JAKMIP1: variants seen among roughly 807,000 people sequenced by gnomAD.
The protein encoded by JAKMIP1 is janus kinase and microtubule interacting protein 1.
In JAKMIP1, 33 loss-of-function variants were observed where a neutral mutation model predicts 113.0. The observed-to-expected ratio is 0.29, with a 90% CI of 0.22 to 0.39. JAKMIP1 has a LOEUF of 0.39. Among genes scored for constraint, JAKMIP1 ranks in the 10% least tolerant of loss-of-function variants. The pLI is 1.00. For missense variants in JAKMIP1, 813 were observed against 1,080.5 expected, an observed-to-expected ratio of 0.75 and a Z score of 3.47; for synonymous variants, 480 against 459.9, an observed-to-expected ratio of 1.04 and a Z score of -0.56.
chr4:6,079,060 C>T, intron 7 of JAKMIP1, 62 bp from the exon 8 acceptor site: 1 of 1,589,802 alleles, frequency 6.3e-7, no homozygotes, highest in Non-Finnish European at 8.6e-7. Flanking sequence ...ACCAAAGCCA[C>T]TGGCTCTCAA....
chr4:6,066,919 C>A (rs952311203), intron 8 of JAKMIP1, among the ~76,000 whole-genome samples: 1 of 152,200 alleles, frequency 6.6e-6, no homozygotes, highest in Non-Finnish European at 1.5e-5. Flanking sequence ...CCCACACACA[C>A]CTGCCATGGG....
intron 18 of JAKMIP1, 82 bp from the exon 19 acceptor site, chr4:6,036,189 C>G: frequency 8.7e-7 from 1 of 1,148,566 alleles, no homozygotes. Flanking sequence ...CCAGTGGAGG[C>G]AGAGCCAGGG....
At chr4:6,124,476 C>A (rs1717138473) in intron 1 of JAKMIP1, among the ~76,000 whole-genome samples, 1 of 152,234 alleles carries the variant, frequency 6.6e-6, no homozygotes, top group Non-Finnish European at 1.5e-5. Context: ...ATCACCAGTT[C>A]TCAGAGGTGT....
In JAKMIP1 at chr4:6,181,683, G is replaced by C. The variant is rs893722307; in HGVS notation, c.-148+18570C>G. Among the ~76,000 whole-genome samples, 6 of 152,206 alleles carry C rather than the reference G, an allele frequency of 3.9e-5. No individual in the cohort carries two copies. The highest frequency in any genetic ancestry group is 1.4e-4 in the African/African-American group (6 of 41,456). On this transcript the variant is annotated intron_variant, in intron 1 of 20. Transcript: ENST00000409021. The surrounding 1 kb of genome is among the most constrained non-coding windows in gnomAD (Gnocchi z 5.4). ...AAAGTCAATTGGCATCAGAGAGGGAGAGCAGCAGCAACGCAAGCTCCATTC... is the reference window on the plus strand; with the variant it reads ...AAAGTCAATTGGCATCAGAGAGGGACAGCAGCAGCAACGCAAGCTCCATTC...
chr4:6,189,872 G>C (rs576340618), intron 1 of JAKMIP1, among the ~76,000 whole-genome samples: 7 of 152,288 alleles, frequency 4.6e-5, no homozygotes, highest in Non-Finnish European at 8.8e-5. Flanking sequence ...GCAAAGGCCT[G>C]GCTCAGTCGA....
At position 6,169,746 on chromosome 4, in the gene JAKMIP1, C is replaced by G. The variant is rs554066648; in HGVS notation, c.-148+30507G>C. ...GTCTACCAGGGTTTGAATCCCAACT[C>G]TAGTATGTACTAACCATGTGGCCTT... is the stretch of plus-strand genomic sequence containing the variant. On this transcript the variant is annotated intron_variant, in intron 1 of 20. Transcript: ENST00000409021. Among the ~76,000 whole-genome samples the G allele has an allele frequency of 1.4e-3, 208 of 151,944 alleles. 1 individual carries two copies. Among genetic ancestry groups the G allele is most frequent in the Non-Finnish European group, 1.5e-3 (99 of 67,954 alleles).
intron 19 of JAKMIP1, among the ~76,000 whole-genome samples, chr4:6,033,268 G>A (rs1191426028): frequency 6.6e-6 from 1 of 152,214 alleles, no homozygotes; most frequent in Non-Finnish European, 1.5e-5. Context: ...AGCAAACTGG[G>A]AGACTGGGAG....
intron 8 of JAKMIP1, among the ~76,000 whole-genome samples, chr4:6,071,018 G>C (rs1044557090): frequency 6.6e-6 from 1 of 152,196 alleles, no homozygotes; most frequent in African/African-American, 2.4e-5. Flanking sequence ...AACTTTGACA[G>C]ATACCAAAGC....
rs1727474613 is a variant in JAKMIP1, at chr4:6,193,233, C to A, written c.-148+7020G>T. Among the ~76,000 whole-genome samples, 1 of 152,114 alleles carries A rather than the reference C, an allele frequency of 6.6e-6. No homozygotes were observed. Among genetic ancestry groups the A allele is most frequent in the African/African-American group, 2.4e-5 (1 of 41,424 alleles). ...TTGCCAGGGGCTCTAAGGCCTTTGGCCACAGGCTGAAGGCTGTGCTGTTGG... is the reference window on the plus strand; with the variant it reads ...TTGCCAGGGGCTCTAAGGCCTTTGGACACAGGCTGAAGGCTGTGCTGTTGG... On this transcript the variant is annotated intron_variant, in intron 1 of 20. Transcript: ENST00000409021. The surrounding 1 kb of genome is among the most constrained non-coding windows in gnomAD (Gnocchi z 6.4).
rs1410722567 is a variant in JAKMIP1 at position 6,192,950 on chromosome 4, G to A, written c.-148+7303C>T. ...TGAAGGATGCAAAGTATTGTTCCTGGGTGTGTCTGTGAGGGTGTTCCCAAA... is the reference window on the plus strand; with the variant it reads ...TGAAGGATGCAAAGTATTGTTCCTGAGTGTGTCTGTGAGGGTGTTCCCAAA... On this transcript the variant is annotated intron_variant, in intron 1 of 20. Transcript: ENST00000409021. This position sits in a 1 kb window ranked among gnomAD's most constrained non-coding sequence, Gnocchi z 5.0. 2.0e-5 allele frequency among the ~76,000 whole-genome samples: 3 copies of A among 152,108 alleles called. No individual in the cohort carries two copies. The highest frequency in any genetic ancestry group is 4.4e-5 in the Non-Finnish European group (3 of 68,004).
chr4:6,167,903 C>T lies in JAKMIP1; in HGVS notation c.-148+32350G>A, dbSNP rs1006094091. Among the ~76,000 whole-genome samples the T allele has an allele frequency of 2.6e-5, 4 of 152,192 alleles. No individual in the cohort carries two copies. Among genetic ancestry groups the T allele is most frequent in the Admixed American group, 1.3e-4 (2 of 15,282 alleles). On this transcript the variant is annotated intron_variant, in intron 1 of 20. Coordinates refer to ENST00000409021, the MANE Select transcript of JAKMIP1 (RefSeq NM_001099433.2). This position sits in a 1 kb window ranked among gnomAD's most constrained non-coding sequence, Gnocchi z 5.3. ...TGGCTAGGACCAGTCAGGCTGACTG[C>T]GCCAGATCGCTGCACCAGTGAGACT...
intron 2 of JAKMIP1, 94 bp downstream of exon 2, chr4:6,112,628 C>A: frequency 6.7e-7 from 1 of 1,486,292 alleles, no homozygotes; most frequent in Non-Finnish European, 9.1e-7. Context: ...GGCCCCCCTC[C>A]TGGAACAGGC....
In JAKMIP1 at chr4:6,051,639, G is replaced by A. The variant is rs115180368; in HGVS notation, c.1807-960C>T. Among the ~76,000 whole-genome samples the A allele has an allele frequency of 1.7e-3, 257 of 152,320 alleles. No individual in the cohort carries two copies. The highest frequency in any genetic ancestry group is 5.9e-3 in the African/African-American group (246 of 41,572). ...CACAACAAGTGATCATTCTACCCCT[G>A]CCTTAGACTTACAGCAAAGCTCAAT... On this transcript the variant is annotated intron_variant, in intron 13 of 20. Transcript: ENST00000409021. This position sits in a 1 kb window ranked among gnomAD's most constrained non-coding sequence, Gnocchi z 5.0.
At chr4:6,113,811 C>T (rs913314955) in intron 1 of JAKMIP1, among the ~76,000 whole-genome samples, 6 of 152,210 alleles carry the variant, frequency 3.9e-5, no homozygotes, top group Middle Eastern at 3.2e-3. Flanking sequence ...GTCCCCTACA[C>T]GAGGATGGGT....
chr4:6,064,778 G>A lies in JAKMIP1; in HGVS notation c.1431+102C>T. ...GTAGGAACTGGTCATCTGGGGTTCA[G>A]AACTATAGGCAAGGGAGCGAAACTT... On this transcript the variant is annotated intron_variant, in intron 9 of 20. Coordinates refer to ENST00000409021, the MANE Select transcript of JAKMIP1 (RefSeq NM_001099433.2). This position sits in a 1 kb window ranked among gnomAD's most constrained non-coding sequence, Gnocchi z 4.3. The A allele has an allele frequency of 2.0e-6, 3 of 1,491,488 alleles. No individual in the cohort carries two copies. Among genetic ancestry groups the A allele is most frequent in the Non-Finnish European group, 2.8e-6 (3 of 1,084,696 alleles). 92.4% of individuals were successfully genotyped at this position (1,491,488 alleles called of 1,614,324 possible). A position where few individuals can be genotyped will look rare whatever the true frequency, so the allele number is the denominator to read the frequency against.
chr4:6,068,486 C>T (rs1718485851), intron 8 of JAKMIP1, among the ~76,000 whole-genome samples: 1 of 152,072 alleles, frequency 6.6e-6, no homozygotes, highest in Non-Finnish European at 1.5e-5. Flanking sequence ...ACAGAGTTCC[C>T]ATAGCAGCAA....
At chr4:6,134,875 T>C (rs547319734) in intron 1 of JAKMIP1, among the ~76,000 whole-genome samples, 2 of 150,136 alleles carry the variant, frequency 1.3e-5, no homozygotes, top group African/African-American at 5.1e-5. Context: ...GGGTGGCGCA[T>C]GCATAAATAA....
At position 6,189,762 on chromosome 4, in the gene JAKMIP1, G is replaced by A. The variant is rs141583097; in HGVS notation, c.-148+10491C>T. Reference sequence around the variant, plus strand: ...GCCTGGCCCTACCTGGCCCAGCCTGGGGATGGAGTTTTCTGAAGGAAGGCG... The same window carrying A: ...GCCTGGCCCTACCTGGCCCAGCCTGAGGATGGAGTTTTCTGAAGGAAGGCG... On this transcript the variant is annotated intron_variant, in intron 1 of 20. Coordinates refer to ENST00000409021, the MANE Select transcript of JAKMIP1 (RefSeq NM_001099433.2). Among the ~76,000 whole-genome samples the A allele has an allele frequency of 5.3e-5, 8 of 152,326 alleles. No individual in the cohort carries two copies. The East Asian group carries it at 1.2e-3, about 22-fold the overall frequency.
chr4:6,105,635 C>G lies in JAKMIP1; in HGVS notation c.462G>C (p.Glu154Asp), dbSNP rs886550946. ...FDGERLRLQQ[E>D]ILELKAARKQ... ...TGCGCGCTGCCTTGAGCTCCAGGATCTCCTGCTGCAGCCGCAGGCGCTCTC... is the reference window on the plus strand; with the variant it reads ...TGCGCGCTGCCTTGAGCTCCAGGATGTCCTGCTGCAGCCGCAGGCGCTCTC... The change falls in exon 3 of 21, where the codon GAG (glutamate) becomes GAC (aspartate). Residue 154 changes from glutamate (E) to aspartate (D), a missense_variant. Physicochemically the swap from Glu to Asp is conservative, Grantham distance 45. Transcript: ENST00000409021. 1.3e-5 allele frequency: 20 copies of G among 1,595,130 alleles called. No individual in the cohort carries two copies. Among genetic ancestry groups the G allele is most frequent in the Non-Finnish European group, 1.7e-5 (20 of 1,171,614 alleles).
Sources: allele counts gnomAD v4.1 joint callset (sites outside exome capture counted in the v4.1 genomes callset), GRCh38; gene constraint gnomAD v4.1.1; non-coding constraint Gnocchi (gnomAD v3.1); transcripts MANE v1.5; gene names NCBI Gene and HGNC (gene_info 2026-07-23, HGNC 2026-07-21).